The following FHIT variants were observed in gnomAD, a reference collection of about 807,000 sequenced individuals.
FHIT encodes the protein bis(5'-adenosyl)-triphosphatase.
In FHIT, 19 loss-of-function variants were observed where a neutral mutation model predicts 17.9. That is an observed-to-expected ratio of 1.06 (90% CI 0.74 to 1.56). The LOEUF is 1.56. Among genes scored for constraint, FHIT ranks in the 40% most tolerant of loss-of-function variants. The pLI is 0.00. For missense variants in FHIT, 248 were observed against 189.2 expected (o/e 1.31, Z -1.82); for synonymous variants, 81 against 69.7 (o/e 1.16, Z -0.81).
chr3:60,277,856 G>A (rs1423079183), intron 5 of FHIT, among the ~76,000 whole-genome samples: 2 of 151,928 alleles, frequency 1.3e-5, no homozygotes, highest in South Asian at 2.1e-4. Context: ...GACAAATCTC[G>A]GATATTATCC....
intron 1 of FHIT, among the ~76,000 whole-genome samples, chr3:61,242,576 G>A (rs960884709): frequency 1.3e-5 from 2 of 152,160 alleles, no homozygotes; most frequent in Non-Finnish European, 2.9e-5. Context: ...TTTATCCAGA[G>A]AGAGGAATTG....
intron 7 of FHIT, among the ~76,000 whole-genome samples, chr3:59,946,368 T>C (rs4679508): frequency 0.06 from 9,172 of 152,288 alleles, 361 homozygotes; most frequent in Admixed American, 0.11. Flanking sequence ...TTTACATTGA[T>C]TTTGTATGCT....
chr3:60,835,436 T>C (rs1702502992), intron 3 of FHIT, among the ~76,000 whole-genome samples: 1 of 152,214 alleles, frequency 6.6e-6, no homozygotes, highest in African/African-American at 2.4e-5. Flanking sequence ...ACAAGTTTTA[T>C]AAATGTTTTA....
At chr3:59,835,079 T>C (rs547599105) in intron 8 of FHIT, among the ~76,000 whole-genome samples, 48 of 152,332 alleles carry the variant, frequency 3.2e-4, no homozygotes, top group Non-Finnish European at 5.1e-4. Context: ...CCCAATCTTC[T>C]GTCTTTGCAA....
At chr3:61,082,985 G>GT (rs1321597272) in intron 2 of FHIT, among the ~76,000 whole-genome samples, 2 of 152,082 alleles carry the variant, frequency 1.3e-5, no homozygotes, top group African/African-American at 2.4e-5. Context: ...TCTTACTGAT[G>GT]TGTAGATGAT....
chr3:59,975,578 A>G (rs169840), intron 7 of FHIT, among the ~76,000 whole-genome samples: 146,941 of 152,110 alleles, frequency 0.97, 71,178 homozygotes, highest in East Asian at 1. Flanking sequence ...TGACGGTACA[A>G]AGAATGCTTC....
chr3:59,835,915 C>T (rs1042427314), intron 8 of FHIT, among the ~76,000 whole-genome samples: 11 of 152,204 alleles, frequency 7.2e-5, no homozygotes, highest in East Asian at 1.9e-4. Flanking sequence ...GAGCCCTAGT[C>T]GCTTAAGAGT....
intron 2 of FHIT, among the ~76,000 whole-genome samples, chr3:61,104,604 A>G (rs1351425806): frequency 3.9e-5 from 6 of 152,062 alleles, no homozygotes; most frequent in Non-Finnish European, 7.4e-5. Context: ...CTAAATTTCA[A>G]TGTTGGCCTG....
intron 1 of FHIT, among the ~76,000 whole-genome samples, chr3:61,203,814 G>A (rs1313992430): frequency 6.6e-6 from 1 of 152,196 alleles, no homozygotes; most frequent in Non-Finnish European, 1.5e-5. Context: ...TGATTAACTT[G>A]TTAAGGATAA....
chr3:61,164,404 G>C (rs2037777404), intron 2 of FHIT, among the ~76,000 whole-genome samples: 1 of 152,164 alleles, frequency 6.6e-6, no homozygotes, highest in Non-Finnish European at 1.5e-5. Flanking sequence ...CTGGAAGAGG[G>C]ACCAGCCATC....
chr3:60,228,401 G>C (rs1704317248), intron 5 of FHIT, among the ~76,000 whole-genome samples: 1 of 152,268 alleles, frequency 6.6e-6, no homozygotes, highest in East Asian at 1.9e-4. Context: ...GAGTAGTTAT[G>C]ATTGTATGAC....
intron 4 of FHIT, among the ~76,000 whole-genome samples, chr3:60,717,487 T>G (rs1285273339): frequency 6.6e-6 from 1 of 152,140 alleles, no homozygotes; most frequent in East Asian, 1.9e-4. Flanking sequence ...TGCATATTCC[T>G]GAAACCCATC....
chr3:59,803,871 AT>A (rs1229377953), intron 8 of FHIT, among the ~76,000 whole-genome samples: 1 of 152,180 alleles, frequency 6.6e-6, no homozygotes, highest in African/African-American at 2.4e-5. Flanking sequence ...AACCCTGAAC[AT>A]CCGGGGCATG....
chr3:60,744,246 T>TAAAAAAAAAAAAAA (rs368982395), intron 4 of FHIT, among the ~76,000 whole-genome samples: 3 of 30,910 alleles, frequency 9.7e-5, no homozygotes, highest in Non-Finnish European at 1.6e-4. Context: ...GGAAGTAATG[T>TAAAAAAAAAAAAAA]AAAAAAAAAA....
intron 5 of FHIT, among the ~76,000 whole-genome samples, chr3:60,072,139 G>C (rs1559605403): frequency 3.3e-5 from 5 of 152,228 alleles, no homozygotes; most frequent in Non-Finnish European, 1.5e-5. Context: ...GAGAAACCAA[G>C]AGTGTTACCA....
chr3:60,668,636 A>G lies in FHIT; in HGVS notation c.-17-131657T>C, dbSNP rs377022104. 2.2e-5 allele frequency among the ~76,000 whole-genome samples: 3 copies of G among 135,468 alleles called. No homozygotes were observed. In the East Asian group the frequency reaches 6.5e-4, roughly 29 times the overall value. The allele number at this position is 135,468 out of a possible 152,430, so 88.9% of individuals were successfully genotyped here. ...GAGTGCAGTGGCACGATCGCTTCTC[A>G]CTGCAAGCTCCGCCTCCCAGGTTCA... On this transcript the variant is annotated intron_variant, in intron 4 of 9. Coordinates refer to ENST00000492590, the MANE Select transcript of FHIT (RefSeq NM_002012.4).
intron 4 of FHIT, among the ~76,000 whole-genome samples, chr3:60,655,035 T>A (rs1326993258): frequency 6.6e-6 from 1 of 152,088 alleles, no homozygotes; most frequent in Non-Finnish European, 1.5e-5. Context: ...GCAAGCCCAA[T>A]AGAAGTTGAG....
At chr3:59,871,730 C>A (rs1204043981) in intron 8 of FHIT, among the ~76,000 whole-genome samples, 3 of 152,118 alleles carry the variant, frequency 2.0e-5, no homozygotes, top group Non-Finnish European at 2.9e-5. Context: ...CACTGGATAC[C>A]CTTGGATAGA....
chr3:60,286,743 G>C (rs1222485213), intron 5 of FHIT, among the ~76,000 whole-genome samples: 1 of 152,178 alleles, frequency 6.6e-6, no homozygotes, highest in African/African-American at 2.4e-5. Context: ...TTAGAACACT[G>C]TGGAGCTATA....
Sources: allele counts gnomAD v4.1 joint callset (sites outside exome capture counted in the v4.1 genomes callset), GRCh38; gene constraint gnomAD v4.1.1; transcripts MANE v1.5; gene names NCBI Gene and HGNC (gene_info 2026-07-23, HGNC 2026-07-21).